Variants in HSF5 observed in about 807,000 individuals in gnomAD.
HSF5 encodes the protein heat shock factor protein 5.
Under a neutral mutation model 50.8 loss-of-function variants are expected in HSF5, and 5 were observed. That is an observed-to-expected ratio of 0.10 (90% CI 0.05 to 0.21). The LOEUF is 0.21. Ranked by LOEUF, HSF5 falls within the 10% of genes least tolerant of loss-of-function variation. HSF5 has a pLI of 1.00. For missense variants in HSF5, 564 were observed against 762.6 expected, an observed-to-expected ratio of 0.74 and a Z score of 3.07; for synonymous variants, 307 against 307.4, an observed-to-expected ratio of 1.00 and a Z score of 0.02.
intron 4 of HSF5, among the ~76,000 whole-genome samples, chr17:58,459,540 G>T (rs562402504): frequency 6.6e-6 from 1 of 151,690 alleles, no homozygotes; most frequent in East Asian, 1.9e-4. Context: ...CCAGCTATTC[G>T]GGAGGCTGAG....
intron 4 of HSF5, among the ~76,000 whole-genome samples, chr17:58,460,993 C>T (rs1046721121): frequency 2.2e-4 from 33 of 150,972 alleles, no homozygotes; most frequent in Non-Finnish European, 3.5e-4. Context: ...CCGAGGTGGG[C>T]GGATCACCTT....
chr17:58,486,326 T>C (rs2143815229), intron 1 of HSF5, among the ~76,000 whole-genome samples: 1 of 152,078 alleles, frequency 6.6e-6, no homozygotes, highest in Non-Finnish European at 1.5e-5. Flanking sequence ...GATCGCGCCA[T>C]TGCACTCCAG....
chr17:58,428,703 G>A (rs1414870388), intron 5 of HSF5, among the ~76,000 whole-genome samples: 2 of 151,982 alleles, frequency 1.3e-5, no homozygotes, highest in Non-Finnish European at 2.9e-5. Context: ...CACAACACAA[G>A]GATGGCTCTA....
chr17:58,480,011 C>T lies in HSF5; in HGVS notation c.807G>A (p.Leu269=). Residue 269 remains leucine, a synonymous_variant, in exon 2 of 6, where the codon CTG becomes CTA. Transcript: ENST00000323777. ...QRFPTEVTYT[L]QPSTTSVHVQ... is the part of the protein sequence containing the mutation. Reference sequence around the variant, plus strand: ...CATGTACAGATGTGGTGCTGGGCTGCAGTGTATAGGTAACCTCAGTTGGAA... The same window carrying T: ...CATGTACAGATGTGGTGCTGGGCTGTAGTGTATAGGTAACCTCAGTTGGAA... The T allele has an allele frequency of 2.5e-6, 4 of 1,614,062 alleles. No individual in the cohort carries two copies. Among genetic ancestry groups the T allele is most frequent in the Non-Finnish European group, 3.4e-6 (4 of 1,180,004 alleles).
intron 5 of HSF5, among the ~76,000 whole-genome samples, chr17:58,435,175 A>T (rs532458533): frequency 7.2e-5 from 11 of 152,176 alleles, no homozygotes; most frequent in Non-Finnish European, 1.3e-4. Flanking sequence ...GATATAATAG[A>T]GTGGCTTTGG....
chr17:58,444,387 T>A (rs1490808501), intron 5 of HSF5, among the ~76,000 whole-genome samples: 1 of 152,158 alleles, frequency 6.6e-6, no homozygotes, highest in Non-Finnish European at 1.5e-5. Flanking sequence ...AATATATCAA[T>A]GAATATTCAA....
chr17:58,477,087 C>A, intron 2 of HSF5: 2 of 451,686 alleles, frequency 4.4e-6, no homozygotes, highest in Non-Finnish European at 4.0e-6. Context: ...GGCCTGACGA[C>A]AGGTATGGGC....
At chr17:58,480,630 A>G (rs551809835) in intron 1 of HSF5, among the ~76,000 whole-genome samples, 1 of 152,314 alleles carries the variant, frequency 6.6e-6, no homozygotes, top group Non-Finnish European at 1.5e-5. Flanking sequence ...GCTACTTCCT[A>G]AAAGTTTTCC....
chr17:58,487,506 G>C lies in HSF5; in HGVS notation c.550+219C>G, dbSNP rs568303426. On this transcript the variant is annotated intron_variant, in intron 1 of 5. Transcript: ENST00000323777. ...GCTCAGAAGGGGCCGAATGCTTACGGACCCTCCAGGGGAGGGCCGGTGGCC... is the reference window on the plus strand; with the variant it reads ...GCTCAGAAGGGGCCGAATGCTTACGCACCCTCCAGGGGAGGGCCGGTGGCC... Among the ~76,000 whole-genome samples, 18 of 152,366 alleles carry C rather than the reference G, an allele frequency of 1.2e-4. No individual in the cohort carries two copies. In the East Asian group the frequency reaches 2.9e-3, roughly 25 times the overall value.
At chr17:58,466,733 C>T (rs1374116892) in intron 3 of HSF5, 152 bp downstream of exon 3, 5 of 492,726 alleles carry the variant, frequency 1.0e-5, no homozygotes, top group South Asian at 2.4e-5. Context: ...TCAATTCTCT[C>T]TTTTTTTTTT....
intron 3 of HSF5, 97 bp from the exon 4 acceptor site, chr17:58,463,400 ATAGAT>A: frequency 1.1e-6 from 1 of 949,308 alleles, no homozygotes; most frequent in Non-Finnish European, 1.6e-6. Flanking sequence ...CTAAACATAA[ATAGAT>A]TAAACTTAAA....
chr17:58,465,472 G>A (rs1348981100), intron 3 of HSF5, among the ~76,000 whole-genome samples: 1 of 152,064 alleles, frequency 6.6e-6, no homozygotes, highest in Non-Finnish European at 1.5e-5. Context: ...CTAACTGTGG[G>A]ATAGGTATGT....
In HSF5 at chr17:58,462,996, A is replaced by G. The variant is rs1307173080; in HGVS notation, c.1328T>C (p.Val443Ala). The change falls in exon 4 of 6, where the codon GTG becomes GCG. Residue 443 changes from valine (V) to alanine (A), a missense_variant. By Grantham distance (64) the Val-to-Ala change is moderately conservative (BLOSUM62 0). Around this residue, in one of 5 missense-constraint regions of HSF5, gnomAD observed 441 missense variants for 533.6 expected, o/e 0.83. Transcript: ENST00000323777. ...TPVGSDIMSF[V>A]VGTEQAVACS... Reference sequence around the variant, plus strand: ...GGCAACTGCTTGTTCTGTTCCAACCACAAAAGACATAATATCTGAGCCTAC... The same window carrying G: ...GGCAACTGCTTGTTCTGTTCCAACCGCAAAAGACATAATATCTGAGCCTAC... The G allele has an allele frequency of 6.2e-7, 1 of 1,614,142 alleles. No individual in the cohort carries two copies. Among genetic ancestry groups the G allele is most frequent in the African/African-American group, 1.3e-5 (1 of 74,954 alleles).
At chr17:58,440,452 A>G (rs1253980445) in intron 5 of HSF5, among the ~76,000 whole-genome samples, 1 of 152,206 alleles carries the variant, frequency 6.6e-6, no homozygotes, top group Non-Finnish European at 1.5e-5. Flanking sequence ...AGTGACCCCA[A>G]TTGCCTGGTA....
chr17:58,479,341 C>T (rs373200940), intron 2 of HSF5, among the ~76,000 whole-genome samples: 5 of 152,054 alleles, frequency 3.3e-5, no homozygotes, highest in Non-Finnish European at 2.9e-5. Context: ...CTCACTCTGT[C>T]GTCCAGGATG....
intron 5 of HSF5, among the ~76,000 whole-genome samples, chr17:58,435,638 C>G (rs1277043027): frequency 6.8e-6 from 1 of 146,732 alleles, no homozygotes; most frequent in Non-Finnish European, 1.5e-5. Context: ...ATTGGCTGGG[C>G]GCTGTGGCTC....
Position 58,463,235 on chromosome 17 carries a change from A to G in HSF5, c.1089T>C (p.Asp363=), listed in dbSNP as rs937021563. ...GGTTTACTTCTGTCTTTGTATTTTC[A>G]TCAGTAGTACTGCAGGGCCAATTGG... is the stretch of plus-strand genomic sequence containing the variant. ...LPSNWPCSTT[D]ENTKTEVNLE... The change falls in exon 4 of 6, where the codon GAT becomes GAC. Residue 363 remains aspartate (D), a synonymous_variant. Coordinates refer to ENST00000323777, the MANE Select transcript of HSF5 (RefSeq NM_001080439.3). 1 of 1,613,952 alleles carries G rather than the reference A, an allele frequency of 6.2e-7. No homozygotes were observed. The highest frequency in any genetic ancestry group is 8.5e-7 in the Non-Finnish European group (1 of 1,179,946).
chr17:58,437,050 ACATGCCTAG>A (rs1347821469), intron 5 of HSF5, among the ~76,000 whole-genome samples: 5 of 152,200 alleles, frequency 3.3e-5, no homozygotes, highest in African/African-American at 1.2e-4. Context: ...CTACACATAC[ACATGCCTAG>A]CATAATGCTT....
In HSF5 at chr17:58,420,613, G is replaced by A. The variant is rs1361631134; in HGVS notation, c.*1747C>T. On this transcript the variant is annotated 3_prime_UTR_variant, in exon 6 of 6. Coordinates refer to ENST00000323777, the MANE Select transcript of HSF5 (RefSeq NM_001080439.3). ...AGCTCTTCAACATGACAGAGAAAAA[G>A]CAAAGTTCCTTCATTTGGAAATTGG... 1 of 152,136 alleles carries A rather than the reference G, an allele frequency of 6.6e-6. No individual in the cohort carries two copies. Among genetic ancestry groups the A allele is most frequent in the African/African-American group, 2.4e-5 (1 of 41,440 alleles). 9.4% of individuals were successfully genotyped at this position (152,136 alleles called of 1,614,324 possible). A position where few individuals can be genotyped will look rare whatever the true frequency, so the allele number is the denominator to read the frequency against.
Sources: gnomAD v4.1 joint callset for allele counts (sites outside exome capture counted in the v4.1 genomes callset) on GRCh38, gnomAD v4.1.1 for gene constraint, gnomAD v4.1.1 regional missense constraint, MANE v1.5 for transcripts, NCBI Gene and HGNC (gene_info 2026-07-23, HGNC 2026-07-21) for gene names.